GPATCH2: variants seen among roughly 807,000 people sequenced by gnomAD.
GPATCH2 encodes G patch domain-containing protein 2.
GPATCH2 carries 51 observed loss-of-function variants against 58.0 expected under a neutral mutation model. The ratio of observed to expected loss-of-function variants is 0.88; its 90% CI spans 0.70 to 1.11. The LOEUF (loss-of-function observed/expected upper bound fraction) is 1.11, where lower values mean the gene tolerates loss of function less well. GPATCH2 is among the 50% of genes most tolerant of loss of function. The probability of loss-of-function intolerance (pLI) is 0.00; values close to 1 mark genes in which losing one functional copy is unlikely to be tolerated. For synonymous variants in GPATCH2, 222 were observed against 218.5 expected, an observed-to-expected ratio of 1.02 and a Z score of -0.14; for missense variants, 625 against 652.2, an observed-to-expected ratio of 0.96 and a Z score of 0.45.
At chr1:217,570,887 T>G (rs1324024906) in intron 5 of GPATCH2, among the ~76,000 whole-genome samples, 8 of 152,198 alleles carry the variant, frequency 5.3e-5, no homozygotes. Flanking sequence ...TGGTATTATT[T>G]GCAACAGTGA....
intron 8 of GPATCH2, among the ~76,000 whole-genome samples, chr1:217,485,455 A>G (rs181490591): frequency 7.0e-5 from 10 of 143,538 alleles, no homozygotes; most frequent in Admixed American, 6.7e-4. Flanking sequence ...TGTGGGTTGA[A>G]TATCTTTTTT....
At chr1:217,561,437 G>A (rs1165078877) in intron 5 of GPATCH2, among the ~76,000 whole-genome samples, 1 of 152,194 alleles carries the variant, frequency 6.6e-6, no homozygotes, top group East Asian at 1.9e-4. Context: ...ACTTCAAGCA[G>A]CGAGAAGATG....
At chr1:217,497,744 A>C (rs925117117) in intron 7 of GPATCH2, among the ~76,000 whole-genome samples, 3 of 148,590 alleles carry the variant, frequency 2.0e-5, no homozygotes, top group African/African-American at 7.8e-5. Context: ...TGCAAACTCT[A>C]AAATGTATAT....
intron 5 of GPATCH2, among the ~76,000 whole-genome samples, chr1:217,540,574 T>C (rs553377205): frequency 1.4e-4 from 22 of 152,348 alleles, no homozygotes; most frequent in African/African-American, 5.3e-4. Flanking sequence ...AAACCATTTT[T>C]GTCAACTTTA....
At chr1:217,512,742 A>C (rs1662915294) in intron 6 of GPATCH2, among the ~76,000 whole-genome samples, 1 of 152,344 alleles carries the variant, frequency 6.6e-6, no homozygotes, top group South Asian at 2.1e-4. Flanking sequence ...GGTCAACAAG[A>C]GTCTGTGACT....
chr1:217,608,852 A>C (rs1197079270), intron 5 of GPATCH2: 1 of 984,654 alleles, frequency 1.0e-6, no homozygotes, highest in African/African-American at 1.7e-5. Flanking sequence ...AAAGGTAAAG[A>C]GACTCAAAGT....
intron 5 of GPATCH2, among the ~76,000 whole-genome samples, chr1:217,598,439 C>T (rs1450269523): frequency 6.6e-6 from 1 of 150,408 alleles, no homozygotes; most frequent in African/African-American, 2.4e-5. Context: ...AAATAACCAT[C>T]AACATTAAAA....
At chr1:217,494,564 C>T (rs1661913269) in intron 7 of GPATCH2, among the ~76,000 whole-genome samples, 1 of 152,190 alleles carries the variant, frequency 6.6e-6, no homozygotes, top group South Asian at 2.1e-4. Flanking sequence ...CATAGCGAAA[C>T]CTTGTCTCTA....
chr1:217,630,110 T>C (rs1303846351), intron 1 of GPATCH2, among the ~76,000 whole-genome samples: 1 of 152,102 alleles, frequency 6.6e-6, no homozygotes, highest in African/African-American at 2.4e-5. Flanking sequence ...GGAAAAGGGC[T>C]TGGGAGAAAA....
At chr1:217,591,801 T>C (rs537334857) in intron 5 of GPATCH2, among the ~76,000 whole-genome samples, 4 of 152,224 alleles carry the variant, frequency 2.6e-5, no homozygotes, top group African/African-American at 7.2e-5. Context: ...GCATTTTAGT[T>C]TATCATTTTT....
chr1:217,549,109 CA>C lies in GPATCH2; in HGVS notation c.1099-34221del, dbSNP rs562303731. 1.3e-4 allele frequency among the ~76,000 whole-genome samples: 20 copies of C among 152,234 alleles called. No individual in the cohort carries two copies. The South Asian group carries it at 4.1e-3, about 32-fold the overall frequency. On this transcript the variant is annotated intron_variant, in intron 5 of 9. Transcript: ENST00000366935. ...ACAGCTTTGTCTAGCAGTATCTAAA[CA>C]CATTCTTTTCAAAATAGTTAAGTTT...
At chr1:217,583,081 A>G (rs1667151847) in intron 5 of GPATCH2, among the ~76,000 whole-genome samples, 1 of 152,234 alleles carries the variant, frequency 6.6e-6, no homozygotes, top group South Asian at 2.1e-4. Flanking sequence ...CATGTATTAG[A>G]TTATTCCTAC....
chr1:217,460,611 T>C (rs760861294), intron 8 of GPATCH2, among the ~76,000 whole-genome samples: 16 of 152,254 alleles, frequency 1.1e-4, no homozygotes, highest in Non-Finnish European at 1.8e-4. Context: ...GGCAACTCAG[T>C]ATAACTGGAG....
At chr1:217,502,259 C>A (rs1662344875) in intron 6 of GPATCH2, among the ~76,000 whole-genome samples, 1 of 152,002 alleles carries the variant, frequency 6.6e-6, no homozygotes, top group South Asian at 2.1e-4. Context: ...TACAAAAAAT[C>A]TTGCTGGGAT....
intron 5 of GPATCH2, among the ~76,000 whole-genome samples, chr1:217,533,043 T>C (rs949919371): frequency 1.3e-5 from 2 of 151,416 alleles, no homozygotes; most frequent in African/African-American, 4.9e-5. Context: ...GGACTACAGA[T>C]GCATAGCACC....
intron 8 of GPATCH2, among the ~76,000 whole-genome samples, chr1:217,489,100 C>CTTT (rs779967454): frequency 1.4e-5 from 2 of 139,666 alleles, no homozygotes; most frequent in African/African-American, 5.2e-5. Context: ...TTTCTCTTCA[C>CTTT]TTTTTTTTTT....
chr1:217,618,941 A>G (rs979422672), intron 2 of GPATCH2, among the ~76,000 whole-genome samples: 3 of 151,774 alleles, frequency 2.0e-5, no homozygotes, highest in Non-Finnish European at 4.4e-5. Flanking sequence ...CCAGCCTGGG[A>G]AACAGAGTGA....
chr1:217,450,899 A>G (rs1489179430), intron 8 of GPATCH2, among the ~76,000 whole-genome samples: 2 of 152,150 alleles, frequency 1.3e-5, no homozygotes, highest in Non-Finnish European at 2.9e-5. Flanking sequence ...CTCTTTTTGT[A>G]CAAATTTAAA....
chr1:217,441,120 A>G (rs1482373496), intron 9 of GPATCH2, among the ~76,000 whole-genome samples: 1 of 152,166 alleles, frequency 6.6e-6, no homozygotes, highest in Admixed American at 6.5e-5. Context: ...GCAAGGCTAC[A>G]GTAACCAAAA....
Sources: gnomAD v4.1 joint callset for allele counts (sites outside exome capture counted in the v4.1 genomes callset) on GRCh38, gnomAD v4.1.1 for gene constraint, MANE v1.5 for transcripts, NCBI Gene and HGNC (gene_info 2026-07-23, HGNC 2026-07-21) for gene names.